Variants in FSTL5 observed in about 807,000 individuals in gnomAD.
FSTL5 encodes follistatin like 5.
In FSTL5, 62 loss-of-function variants were observed where a neutral mutation model predicts 89.1. The ratio of observed to expected loss-of-function variants is 0.70; its 90% CI spans 0.57 to 0.86. FSTL5 has a LOEUF of 0.86. Ranked by LOEUF, FSTL5 falls within the 40% of genes least tolerant of loss-of-function variation. The pLI is 0.00. For missense variants in FSTL5, 1,057 were observed against 1,001.6 expected, an observed-to-expected ratio of 1.06 and a Z score of -0.75; for synonymous variants, 383 against 346.2, an observed-to-expected ratio of 1.11 and a Z score of -1.18.
At chr4:161,987,442 T>C (rs1010713185) in intron 3 of FSTL5, among the ~76,000 whole-genome samples, 1 of 148,410 alleles carries the variant, frequency 6.7e-6, no homozygotes, top group African/African-American at 2.5e-5. Flanking sequence ...TCATAACTCC[T>C]AATTAACAGC....
At chr4:161,949,297 C>T (rs1431482880) in intron 3 of FSTL5, among the ~76,000 whole-genome samples, 1 of 152,134 alleles carries the variant, frequency 6.6e-6, no homozygotes, top group Admixed American at 6.6e-5. Flanking sequence ...ATATCCTTCA[C>T]TCAATCACAT....
chr4:161,819,662 G>GA (rs1179686973), intron 4 of FSTL5, among the ~76,000 whole-genome samples: 9 of 151,518 alleles, frequency 5.9e-5, no homozygotes, highest in African/African-American at 2.2e-4. Flanking sequence ...TTTGGGGCTA[G>GA]AAAAAAAATC....
intron 7 of FSTL5, among the ~76,000 whole-genome samples, chr4:161,635,213 C>A (rs1735643806): frequency 6.6e-6 from 1 of 151,924 alleles, no homozygotes; most frequent in Non-Finnish European, 1.5e-5. Context: ...ATGGTAAAAC[C>A]CTATCTCTAT....
rs117538595 is a variant in FSTL5 at position 161,466,442 on chromosome 4, A to G, written c.1609-7123T>C. On this transcript the variant is annotated intron_variant, in intron 13 of 15. Transcript: ENST00000306100. ...AGGAACAGTGAAGCACAGCTTGTTTATCAGTCTGACAAGGAAAGTACCAGC... is the reference window on the plus strand; with the variant it reads ...AGGAACAGTGAAGCACAGCTTGTTTGTCAGTCTGACAAGGAAAGTACCAGC... 2.0e-3 allele frequency among the ~76,000 whole-genome samples: 298 copies of G among 152,310 alleles called. 12 individuals carry two copies. The East Asian group carries it at 0.046, about 24-fold the overall frequency.
chr4:161,680,381 TC>T (rs1200313756), intron 6 of FSTL5, among the ~76,000 whole-genome samples: 2 of 151,928 alleles, frequency 1.3e-5, no homozygotes, highest in Admixed American at 1.3e-4. Flanking sequence ...ATTTCCTCAC[TC>T]CTACAACCTT....
chr4:161,675,545 G>T (rs1446612712), intron 6 of FSTL5, among the ~76,000 whole-genome samples: 1 of 130,656 alleles, frequency 7.7e-6, no homozygotes, highest in Non-Finnish European at 1.7e-5. Context: ...AAAATTCTCA[G>T]TAATTTTAAA....
intron 4 of FSTL5, among the ~76,000 whole-genome samples, chr4:161,886,206 A>G (rs940479692): frequency 6.6e-6 from 1 of 152,186 alleles, no homozygotes; most frequent in African/African-American, 2.4e-5. Flanking sequence ...TTCCTGTGTC[A>G]TTACAATTCA....
intron 4 of FSTL5, among the ~76,000 whole-genome samples, chr4:161,904,221 A>G (rs140826161): frequency 6.6e-6 from 1 of 152,224 alleles, no homozygotes; most frequent in Non-Finnish European, 1.5e-5. Flanking sequence ...CTTACTTTTA[A>G]GCTCACAGGA....
chr4:161,960,114 T>A (rs142854060), intron 3 of FSTL5, among the ~76,000 whole-genome samples: 99 of 152,014 alleles, frequency 6.5e-4, no homozygotes, highest in African/African-American at 2.3e-3. Context: ...TATTTATTCC[T>A]ATGCTGAAAA....
chr4:161,974,767 T>A (rs1318509354), intron 3 of FSTL5, among the ~76,000 whole-genome samples: 4 of 137,972 alleles, frequency 2.9e-5, no homozygotes, highest in African/African-American at 1.1e-4. Flanking sequence ...CTAATTAAAC[T>A]AAAGAGCTTC....
At chr4:161,647,696 T>C (rs559725939) in intron 7 of FSTL5, among the ~76,000 whole-genome samples, 2 of 152,114 alleles carry the variant, frequency 1.3e-5, no homozygotes, top group South Asian at 4.2e-4. Context: ...GGGAAAAGCA[T>C]GGTCCCTTTA....
chr4:161,808,021 G>GA (rs1730020749), intron 4 of FSTL5, among the ~76,000 whole-genome samples: 1 of 151,896 alleles, frequency 6.6e-6, no homozygotes, highest in African/African-American at 2.4e-5. Flanking sequence ...AGAAAAGGAA[G>GA]AAAAAATAAC....
At chr4:161,555,754 G>C (rs944173999) in intron 8 of FSTL5, among the ~76,000 whole-genome samples, 15 of 151,630 alleles carry the variant, frequency 9.9e-5, no homozygotes, top group Admixed American at 7.9e-4. Flanking sequence ...TGCTAGGCAT[G>C]AGTCAGCAAG....
chr4:162,075,158 T>C (rs775865428), intron 2 of FSTL5, among the ~76,000 whole-genome samples: 42 of 151,762 alleles, frequency 2.8e-4, no homozygotes, highest in Non-Finnish European at 5.3e-4. Context: ...AAGCCAAAGC[T>C]TTCCCTAGGA....
intron 3 of FSTL5, among the ~76,000 whole-genome samples, chr4:161,971,341 T>C (rs359478): frequency 1 from 151,978 of 152,258 alleles, 75,850 homozygotes; most frequent in Middle Eastern, 1. Flanking sequence ...CAGAAATTTA[T>C]GTTACAAATC....
intron 1 of FSTL5, among the ~76,000 whole-genome samples, chr4:162,115,698 C>T (rs1446220534): frequency 2.6e-5 from 4 of 152,098 alleles, no homozygotes; most frequent in African/African-American, 9.7e-5. Flanking sequence ...AACTTCAGAT[C>T]TAACAAAGTG....
chr4:161,525,743 A>G lies in FSTL5; in HGVS notation c.1312+12423T>C, dbSNP rs369319871. Among the ~76,000 whole-genome samples, 59 of 152,294 alleles carry G rather than the reference A, an allele frequency of 3.9e-4. 1 individual carries two copies. The South Asian group carries it at 0.011, about 28-fold the overall frequency. ...GTCAACATGCTTTCCAAAGGGCAGT[A>G]AAACGAACACTACTGCTGGTAATGT... On this transcript the variant is annotated intron_variant, in intron 10 of 15. Coordinates refer to ENST00000306100, the MANE Select transcript of FSTL5 (RefSeq NM_020116.5).
At chr4:162,032,282 T>G (rs1186320297) in intron 3 of FSTL5, among the ~76,000 whole-genome samples, 1 of 152,152 alleles carries the variant, frequency 6.6e-6, no homozygotes, top group Non-Finnish European at 1.5e-5. Context: ...GGAAGATGCA[T>G]ACTCAGTAAG....
chr4:161,903,565 A>C (rs919835233), intron 4 of FSTL5, among the ~76,000 whole-genome samples: 1 of 151,908 alleles, frequency 6.6e-6, no homozygotes, highest in African/African-American at 2.4e-5. Context: ...TCACAACATA[A>C]ATTTTTTATG....
Sources: gnomAD v4.1 joint callset for allele counts (sites outside exome capture counted in the v4.1 genomes callset) on GRCh38, gnomAD v4.1.1 for gene constraint, MANE v1.5 for transcripts, NCBI Gene and HGNC (gene_info 2026-07-23, HGNC 2026-07-21) for gene names.